FGF12: variants seen among roughly 807,000 people sequenced by gnomAD.
FGF12 encodes fibroblast growth factor 12B.
In FGF12, 14 loss-of-function variants were observed where a neutral mutation model predicts 23.6. That is an observed-to-expected ratio of 0.59 (90% CI 0.39 to 0.93). The LOEUF is 0.93. FGF12 is among the 40% of genes least tolerant of loss of function. The probability of loss-of-function intolerance (pLI) is 0.00; values close to 1 mark genes in which losing one functional copy is unlikely to be tolerated. For missense variants in FGF12, 175 were observed against 217.8 expected (o/e 0.80, Z 1.24); for synonymous variants, 62 against 77.3 (o/e 0.80, Z 1.04).
intron 4 of FGF12, among the ~76,000 whole-genome samples, chr3:192,316,487 C>T (rs1716234773): frequency 6.6e-6 from 1 of 152,144 alleles, no homozygotes; most frequent in African/African-American, 2.4e-5. Flanking sequence ...TGGGGCTCTG[C>T]ATTAGGACTC....
rs1445100569 is a variant in FGF12 at position 192,409,340 on chromosome 3, C to T, written c.14-48802G>A. ...CGCCCACACGCCTTTAACTGGAGCT[C>T]CCCGCCATGGTCCACCCGGGGCCGC... On this transcript the variant is annotated intron_variant, in intron 2 of 5. Coordinates refer to ENST00000445105, the MANE Select transcript of FGF12 (RefSeq NM_004113.6). This position sits in a 1 kb window ranked among gnomAD's most constrained non-coding sequence, Gnocchi z 4.8. Among the ~76,000 whole-genome samples, 1 of 152,206 alleles carries T rather than the reference C, an allele frequency of 6.6e-6. No homozygotes were observed.
At chr3:192,669,301 G>A (rs1378709086) in intron 2 of FGF12, among the ~76,000 whole-genome samples, 2 of 151,978 alleles carry the variant, frequency 1.3e-5, no homozygotes, top group African/African-American at 4.8e-5. Context: ...AGCTCTTAAA[G>A]TGTGGTCCCA....
intron 4 of FGF12, among the ~76,000 whole-genome samples, chr3:192,327,977 A>G (rs1371623735): frequency 1.3e-5 from 2 of 152,184 alleles, no homozygotes; most frequent in African/African-American, 2.4e-5. Context: ...AAGTTATACA[A>G]AGCAGTAAGT....
At chr3:192,699,900 TTCA>T (rs1480820647) in intron 2 of FGF12, among the ~76,000 whole-genome samples, 2 of 152,176 alleles carry the variant, frequency 1.3e-5, no homozygotes. Context: ...AGTAAGTTAT[TTCA>T]TCATACCTAA....
At chr3:192,337,821 A>C (rs952466344) in intron 3 of FGF12, among the ~76,000 whole-genome samples, 1 of 152,180 alleles carries the variant, frequency 6.6e-6, no homozygotes, top group Non-Finnish European at 1.5e-5. Flanking sequence ...AGTTACCATA[A>C]GACTATTGTA....
At chr3:192,604,130 CTCTTTT>C (rs1483464180) in intron 2 of FGF12, among the ~76,000 whole-genome samples, 4 of 152,162 alleles carry the variant, frequency 2.6e-5, no homozygotes, top group Admixed American at 2.0e-4. Context: ...AAAAATATGG[CTCTTTT>C]TGCATGCACG....
chr3:192,688,332 C>G (rs1277275567), intron 2 of FGF12, among the ~76,000 whole-genome samples: 1 of 152,114 alleles, frequency 6.6e-6, no homozygotes, highest in Non-Finnish European at 1.5e-5. Context: ...ATGGCACGCC[C>G]CAGCATGCAT....
intron 5 of FGF12, among the ~76,000 whole-genome samples, chr3:192,159,635 G>T (rs1157755964): frequency 6.6e-6 from 1 of 152,140 alleles, no homozygotes; most frequent in African/African-American, 2.4e-5. Context: ...TTCCAAACAA[G>T]ATAGTCTCCC....
At chr3:192,667,708 C>G (rs1716944986) in intron 2 of FGF12, among the ~76,000 whole-genome samples, 2 of 149,920 alleles carry the variant, frequency 1.3e-5, no homozygotes, top group Admixed American at 6.7e-5. Flanking sequence ...GTGAAAGACA[C>G]AGAGGAGTGA....
chr3:192,252,155 T>C (rs959092916), intron 4 of FGF12, among the ~76,000 whole-genome samples: 3 of 151,908 alleles, frequency 2.0e-5, no homozygotes, highest in African/African-American at 4.8e-5. Context: ...ATGCGAAATA[T>C]TCAGGCTCTT....
chr3:192,559,491 A>C (rs1560150151), intron 2 of FGF12, among the ~76,000 whole-genome samples: 1 of 151,982 alleles, frequency 6.6e-6, no homozygotes, highest in Non-Finnish European at 1.5e-5. Context: ...ATGATGGTGT[A>C]TATATGTTAT....
chr3:192,583,942 G>T (rs1356654811), intron 2 of FGF12, among the ~76,000 whole-genome samples: 2 of 152,112 alleles, frequency 1.3e-5, no homozygotes, highest in Admixed American at 6.5e-5. Context: ...ATAGGGTTCT[G>T]CTGACTTAAA....
At chr3:192,393,621 G>GA (rs922391127) in intron 2 of FGF12, among the ~76,000 whole-genome samples, 10 of 151,038 alleles carry the variant, frequency 6.6e-5, no homozygotes, top group African/African-American at 2.2e-4. Context: ...AAGAAAATGG[G>GA]AAAAAAAAGA....
At chr3:192,506,723 G>A (rs530960979) in intron 2 of FGF12, among the ~76,000 whole-genome samples, 1 of 151,842 alleles carries the variant, frequency 6.6e-6, no homozygotes, top group East Asian at 2.0e-4. Context: ...CCTTGCCTGG[G>A]ATGGCTTTAG....
At chr3:192,177,705 ATGTC>A (rs1715938752) in intron 4 of FGF12, among the ~76,000 whole-genome samples, 1 of 152,226 alleles carries the variant, frequency 6.6e-6, no homozygotes, top group South Asian at 2.1e-4. Context: ...CACAATAAGC[ATGTC>A]CCATTTCAAA....
intron 4 of FGF12, among the ~76,000 whole-genome samples, chr3:192,229,316 G>A (rs570107208): frequency 1.1e-4 from 16 of 152,100 alleles, no homozygotes; most frequent in African/African-American, 3.9e-4. Flanking sequence ...AAGCATTTGA[G>A]AAAAGCAAAG....
At chr3:192,154,954 G>C (rs777241236) in intron 5 of FGF12, among the ~76,000 whole-genome samples, 1 of 133,466 alleles carries the variant, frequency 7.5e-6, no homozygotes, top group Admixed American at 7.5e-5. Context: ...TGCTGTGCTA[G>C]CAATCAGCGA....
intron 4 of FGF12, among the ~76,000 whole-genome samples, chr3:192,189,731 C>T (rs1479658512): frequency 6.6e-6 from 1 of 152,158 alleles, no homozygotes; most frequent in Non-Finnish European, 1.5e-5. Context: ...GGAACCAACC[C>T]TGCCACTTTG....
intron 4 of FGF12, among the ~76,000 whole-genome samples, chr3:192,305,265 A>C (rs555895820): frequency 6.6e-6 from 1 of 152,240 alleles, no homozygotes; most frequent in Non-Finnish European, 1.5e-5. Context: ...AGGATGACTG[A>C]TGCTACTACA....
Sources: allele counts gnomAD v4.1 joint callset (sites outside exome capture counted in the v4.1 genomes callset), GRCh38; gene constraint gnomAD v4.1.1; non-coding constraint Gnocchi (gnomAD v3.1); transcripts MANE v1.5; gene names NCBI Gene and HGNC (gene_info 2026-07-23, HGNC 2026-07-21).